The following CACNA2D3 variants were observed in gnomAD, a reference collection of about 807,000 sequenced individuals.
CACNA2D3 encodes voltage-dependent calcium channel subunit alpha-2/delta-3.
CACNA2D3 carries 60 observed loss-of-function variants against 160.6 expected under a neutral mutation model. The observed-to-expected ratio is 0.37, with a 90% CI of 0.30 to 0.46. The LOEUF (loss-of-function observed/expected upper bound fraction) is 0.46. CACNA2D3 is among the 20% of genes least tolerant of loss of function. CACNA2D3 has a pLI of 1.00. For synonymous variants in CACNA2D3, 558 were observed against 492.9 expected (o/e 1.13, Z -1.75); for missense variants, 1,205 against 1,365.0 (o/e 0.88, Z 1.85).
chr3:54,297,504 C>T (rs574114375), intron 2 of CACNA2D3, among the ~76,000 whole-genome samples: 4 of 152,194 alleles, frequency 2.6e-5, no homozygotes, highest in Non-Finnish European at 4.4e-5. Flanking sequence ...TTGACAACCT[C>T]GTTTATATTT....
chr3:54,401,351 A>G (rs1559471321), intron 4 of CACNA2D3, among the ~76,000 whole-genome samples: 1 of 152,196 alleles, frequency 6.6e-6, no homozygotes, highest in East Asian at 1.9e-4. Flanking sequence ...ATTGCAGAAA[A>G]CCTCCAGATT....
chr3:54,705,423 G>A (rs1017194701), intron 11 of CACNA2D3, among the ~76,000 whole-genome samples: 1 of 152,016 alleles, frequency 6.6e-6, no homozygotes, highest in African/African-American at 2.4e-5. Context: ...TTGTAAAGAC[G>A]TTGTCCCCAG....
At chr3:54,149,681 A>G (rs891863214) in intron 2 of CACNA2D3, among the ~76,000 whole-genome samples, 1 of 152,054 alleles carries the variant, frequency 6.6e-6, no homozygotes, top group Non-Finnish European at 1.5e-5. Context: ...CAAGGAACAC[A>G]TGACGAGGAG....
intron 4 of CACNA2D3, among the ~76,000 whole-genome samples, chr3:54,403,769 A>G (rs1219753210): frequency 6.6e-6 from 1 of 152,134 alleles, no homozygotes; most frequent in Non-Finnish European, 1.5e-5. Flanking sequence ...AAAAGAGAGA[A>G]GACTCAAATA....
chr3:55,070,898 G>T (rs1704790336), intron 35 of CACNA2D3, among the ~76,000 whole-genome samples: 1 of 152,054 alleles, frequency 6.6e-6, no homozygotes, highest in Non-Finnish European at 1.5e-5. Context: ...AGGTTCTTTG[G>T]AATGTGTTGC....
chr3:55,045,507 C>T (rs1704057765), intron 35 of CACNA2D3, among the ~76,000 whole-genome samples: 1 of 152,148 alleles, frequency 6.6e-6, no homozygotes, highest in Non-Finnish European at 1.5e-5. Flanking sequence ...TAGAATTCCC[C>T]AGTGAAGACA....
intron 2 of CACNA2D3, among the ~76,000 whole-genome samples, chr3:54,214,898 A>G (rs1701433968): frequency 6.6e-6 from 1 of 152,232 alleles, no homozygotes; most frequent in Admixed American, 6.5e-5. Context: ...TACAGCACCC[A>G]GGCCCTTTGC....
chr3:54,357,348 A>G (rs1375777001), intron 3 of CACNA2D3, among the ~76,000 whole-genome samples: 2 of 152,236 alleles, frequency 1.3e-5, no homozygotes, highest in African/African-American at 2.4e-5. Context: ...CAACAAATAC[A>G]TTCCCAAAAA....
At chr3:54,306,509 A>G (rs944795293) in intron 2 of CACNA2D3, among the ~76,000 whole-genome samples, 2 of 152,214 alleles carry the variant, frequency 1.3e-5, no homozygotes, top group Admixed American at 1.3e-4. Flanking sequence ...TTTTGGTCAC[A>G]CTTGGGGTCT....
At chr3:54,460,581 A>G (rs1420213438) in intron 4 of CACNA2D3, among the ~76,000 whole-genome samples, 5 of 152,074 alleles carry the variant, frequency 3.3e-5, no homozygotes, top group South Asian at 4.2e-4. Flanking sequence ...CTGTTTGTCC[A>G]TTATTGGTGT....
intron 2 of CACNA2D3, among the ~76,000 whole-genome samples, chr3:54,221,100 G>A (rs1379050569): frequency 6.6e-6 from 1 of 152,144 alleles, no homozygotes; most frequent in African/African-American, 2.4e-5. Context: ...GTGCATTTCC[G>A]CATTTCATTT....
intron 18 of CACNA2D3, among the ~76,000 whole-genome samples, chr3:54,878,181 AAG>A (rs961494525): frequency 4.6e-5 from 7 of 152,172 alleles, no homozygotes; most frequent in African/African-American, 2.4e-5. Flanking sequence ...CAAAGGAGAA[AAG>A]AGGGGAAAAG....
intron 29 of CACNA2D3, among the ~76,000 whole-genome samples, chr3:54,983,588 CA>C (rs1575421505): frequency 6.6e-6 from 1 of 152,164 alleles, no homozygotes; most frequent in Admixed American, 6.5e-5. Context: ...GAGGTGCTAG[CA>C]GGGCTTTTAA....
intron 11 of CACNA2D3, among the ~76,000 whole-genome samples, chr3:54,735,788 A>C (rs1450873064): frequency 1.3e-5 from 2 of 151,472 alleles, no homozygotes; most frequent in African/African-American, 4.9e-5. Context: ...TATTAAATGG[A>C]ATTGAGTGGA....
At chr3:54,903,323 T>C (rs1255780358) in intron 27 of CACNA2D3, among the ~76,000 whole-genome samples, 1 of 152,244 alleles carries the variant, frequency 6.6e-6, no homozygotes, top group Non-Finnish European at 1.5e-5. Flanking sequence ...TTTCTGTTCC[T>C]GCATTAGTTT....
chr3:54,248,751 T>C (rs919562510), intron 2 of CACNA2D3, among the ~76,000 whole-genome samples: 2 of 152,180 alleles, frequency 1.3e-5, no homozygotes, highest in African/African-American at 2.4e-5. Flanking sequence ...CAGTCTGTGG[T>C]ACTTTGTTAT....
chr3:54,150,949 A>C (rs532944143), intron 2 of CACNA2D3, among the ~76,000 whole-genome samples: 1 of 151,714 alleles, frequency 6.6e-6, no homozygotes, highest in East Asian at 2.0e-4. Context: ...GAATGAATGG[A>C]TGTAGGGTTG....
At chr3:54,925,315 A>G (rs1575380227) in intron 27 of CACNA2D3, 4 of 973,094 alleles carry the variant, frequency 4.1e-6, no homozygotes, top group Non-Finnish European at 4.6e-6. Flanking sequence ...CTTTCCAGCC[A>G]GGTGAAACCT....
chr3:54,357,369 A>G (rs1698667183), intron 3 of CACNA2D3, among the ~76,000 whole-genome samples: 1 of 152,350 alleles, frequency 6.6e-6, no homozygotes, highest in African/African-American at 2.4e-5. Context: ...GCTGTCATAA[A>G]TTGATGTGAT....
Sources: allele counts gnomAD v4.1 joint callset (sites outside exome capture counted in the v4.1 genomes callset), GRCh38; gene constraint gnomAD v4.1.1; transcripts MANE v1.5; gene names NCBI Gene and HGNC (gene_info 2026-07-23, HGNC 2026-07-21).